Variants in METTL15 observed in about 807,000 individuals in gnomAD.
METTL15 encodes the protein methyltransferase 15, mitochondrial 12S rRNA N4-cytidine, also known as 12S rRNA N(4)-cytidine methyltransferase METTL15.
In METTL15, 34 loss-of-function variants were observed where a neutral mutation model predicts 38.3. The ratio of observed to expected loss-of-function variants is 0.89; its 90% confidence interval spans 0.68 to 1.18. METTL15 has a LOEUF of 1.18. METTL15 is among the 50% of genes most tolerant of loss of function. The pLI is 0.00. For synonymous variants in METTL15, 162 were observed against 170.9 expected (o/e 0.95, Z 0.41); for missense variants, 438 against 498.4 (o/e 0.88, Z 1.15).
chr11:28,436,575 TGG>T (rs1465783311), intron 6 of METTL15, among the ~76,000 whole-genome samples: 1 of 151,980 alleles, frequency 6.6e-6, no homozygotes, highest in East Asian at 1.9e-4. Flanking sequence ...TTTTTTTTTT[TGG>T]AAATGCTTGC....
intron 6 of METTL15, among the ~76,000 whole-genome samples, chr11:28,519,673 G>T (rs757606743): frequency 4.1e-4 from 63 of 152,278 alleles, no homozygotes; most frequent in Admixed American, 1.7e-3. Flanking sequence ...AGTGCACAGG[G>T]TTGGTAGAAA....
chr11:28,160,911 A>C (rs1220764260), intron 3 of METTL15, among the ~76,000 whole-genome samples: 1 of 152,056 alleles, frequency 6.6e-6, no homozygotes, highest in Non-Finnish European at 1.5e-5. Flanking sequence ...ATTAGACCCA[A>C]CATCCTTTTT....
chr11:28,294,893 A>C lies in METTL15; in HGVS notation c.600-1860A>C, dbSNP rs913660423. 1.2e-4 allele frequency among the ~76,000 whole-genome samples: 19 copies of C among 152,270 alleles called. 2 individuals carry two copies. The highest frequency in any genetic ancestry group is 7.2e-4 in the Admixed American group (11 of 15,280). On this transcript the variant is annotated intron_variant, in intron 5 of 6. Transcript: ENST00000407364. Reference sequence around the variant, plus strand: ...TTATGTGTTGAACAAAATACTTTTTAATTTTCTTATTTTAACATAGAAAAG... The same window carrying C: ...TTATGTGTTGAACAAAATACTTTTTCATTTTCTTATTTTAACATAGAAAAG...
At chr11:28,372,366 A>G (rs1850253085) in intron 5 of METTL15, among the ~76,000 whole-genome samples, 1 of 151,508 alleles carries the variant, frequency 6.6e-6, no homozygotes, top group Admixed American at 6.6e-5. Flanking sequence ...CTATTGTTGA[A>G]TTCAATTTTC....
intron 3 of METTL15, among the ~76,000 whole-genome samples, chr11:28,183,594 C>T (rs1851377865): frequency 6.6e-6 from 1 of 152,072 alleles, no homozygotes; most frequent in South Asian, 2.1e-4. Flanking sequence ...AGTCTTGCTT[C>T]CCAGGGATGA....
At chr11:28,116,913 G>C (rs916443739) in intron 3 of METTL15, among the ~76,000 whole-genome samples, 2 of 151,930 alleles carry the variant, frequency 1.3e-5, no homozygotes, top group Non-Finnish European at 1.5e-5. Flanking sequence ...TGGTCCTATG[G>C]GTGTGAGCTG....
chr11:28,187,212 G>A (rs1206381808), intron 3 of METTL15, among the ~76,000 whole-genome samples: 1 of 151,228 alleles, frequency 6.6e-6, no homozygotes, highest in Non-Finnish European at 1.5e-5. Flanking sequence ...AAGTAGGTGA[G>A]TTTGATAATT....
In METTL15 at chr11:28,216,892, C is replaced by T. The variant is rs1852906081; in HGVS notation, c.407+5694C>T. Among the ~76,000 whole-genome samples, 4 of 112,292 alleles carry T rather than the reference C, an allele frequency of 3.6e-5. No homozygotes were observed. The South Asian group carries it at 1.1e-3, about 32-fold the overall frequency. The allele number at this position is 112,292 out of a possible 152,430, so 73.7% of individuals were successfully genotyped here. A position where few individuals can be genotyped will look rare whatever the true frequency, so the allele number is the denominator to read the frequency against. On this transcript the variant is annotated intron_variant, in intron 4 of 6. Coordinates refer to ENST00000407364, the MANE Select transcript of METTL15 (RefSeq NM_001113528.2). ...CATGTCCCTACAAAGGACATGAACT[C>T]ATCTTTTTTTATGGCTGCATAGTAT...
chr11:28,478,679 G>A (rs977269918), intron 6 of METTL15, among the ~76,000 whole-genome samples: 1 of 152,056 alleles, frequency 6.6e-6, no homozygotes, highest in Admixed American at 6.6e-5. Flanking sequence ...TAACCACCTG[G>A]TATTCATTCA....
chr11:28,291,192 G>A (rs373794266), intron 5 of METTL15, among the ~76,000 whole-genome samples: 107 of 151,840 alleles, frequency 7.0e-4, no homozygotes, highest in African/African-American at 2.3e-3. Context: ...GATTGCAGAC[G>A]TGTACCAGCA....
At chr11:28,342,874 G>A (rs11030283) in intron 3 of METTL15, among the ~76,000 whole-genome samples, 2,437 of 152,152 alleles carry the variant, frequency 0.016, 30 homozygotes, top group African/African-American at 0.044. Flanking sequence ...TATCTTTGTC[G>A]TTAGCCCTAC....
intron 6 of METTL15, among the ~76,000 whole-genome samples, chr11:28,299,919 A>G (rs1260418955): frequency 6.6e-6 from 1 of 152,004 alleles, no homozygotes; most frequent in Non-Finnish European, 1.5e-5. Flanking sequence ...TTCTGCCTCC[A>G]TAGTCACTTG....
intron 5 of METTL15, among the ~76,000 whole-genome samples, chr11:28,365,431 G>C (rs1166360401): frequency 1.3e-5 from 2 of 152,086 alleles, no homozygotes; most frequent in African/African-American, 4.8e-5. Flanking sequence ...ATGTATGCAT[G>C]TCCTCTAGAT....
chr11:28,362,135 C>T (rs934454079), intron 5 of METTL15: 1 of 152,120 alleles, frequency 6.6e-6, no homozygotes, highest in African/African-American at 2.4e-5. Context: ...AATATAGTTT[C>T]TTTCCTTATG....
intron 4 of METTL15, among the ~76,000 whole-genome samples, chr11:28,280,613 T>C (rs944400567): frequency 1.2e-4 from 18 of 151,834 alleles, no homozygotes; most frequent in African/African-American, 2.4e-4. Context: ...TTCTTTCCTC[T>C]TTTTTGGAAT....
intron 5 of METTL15, 66 bp from the exon 6 acceptor site, chr11:28,296,687 C>G (rs1856747405): frequency 1.9e-5 from 30 of 1,560,398 alleles, no homozygotes; most frequent in Middle Eastern, 4.6e-4. Flanking sequence ...TCTCAGTACT[C>G]TGAAGTTTCA....
At chr11:28,516,660 T>G (rs1851722395) in intron 6 of METTL15, among the ~76,000 whole-genome samples, 1 of 152,158 alleles carries the variant, frequency 6.6e-6, no homozygotes, top group African/African-American at 2.4e-5. Flanking sequence ...CAGAAATAGT[T>G]TCATAAATAT....
At chr11:28,182,507 T>C (rs1851329332) in intron 3 of METTL15, among the ~76,000 whole-genome samples, 1 of 152,166 alleles carries the variant, frequency 6.6e-6, no homozygotes, top group Non-Finnish European at 1.5e-5. Context: ...ATATATTAAA[T>C]AGGGAATCTT....
intron 5 of METTL15, among the ~76,000 whole-genome samples, chr11:28,384,475 A>AT (rs1216321028): frequency 6.6e-6 from 1 of 151,614 alleles, no homozygotes; most frequent in Non-Finnish European, 1.5e-5. Flanking sequence ...TACCCGGCTA[A>AT]TTTTTTTTAT....
Sources: gnomAD v4.1 joint callset for allele counts (sites outside exome capture counted in the v4.1 genomes callset) on GRCh38, gnomAD v4.1.1 for gene constraint, MANE v1.5 for transcripts, NCBI Gene and HGNC (gene_info 2026-07-23, HGNC 2026-07-21) for gene names.